Variants in PCDH15 observed in about 807,000 individuals in gnomAD.
PCDH15 encodes protocadherin-15.
In PCDH15, 129 loss-of-function variants were observed where a neutral mutation model predicts 178.5. That is an observed-to-expected ratio of 0.72 (90% confidence interval 0.63 to 0.84). The LOEUF (loss-of-function observed/expected upper bound fraction) is 0.84. Ranked by LOEUF, PCDH15 falls within the 40% of genes least tolerant of loss-of-function variation. PCDH15 has a pLI of 0.00. For synonymous variants in PCDH15, 800 were observed against 732.0 expected (o/e 1.09, Z -1.50); for missense variants, 2,230 against 2,099.9 (o/e 1.06, Z -1.21).
intron 1 of PCDH15, among the ~76,000 whole-genome samples, chr10:55,228,331 T>C (rs1481167422): frequency 6.6e-6 from 1 of 151,826 alleles, no homozygotes. Context: ...AATAACTCTA[T>C]AAAAATGTTA....
intron 2 of PCDH15, among the ~76,000 whole-genome samples, chr10:55,606,350 C>T (rs1406051727): frequency 1.4e-5 from 2 of 140,364 alleles, no homozygotes; most frequent in South Asian, 4.8e-4. Context: ...CAATGCCATC[C>T]CCATCAAGCT....
chr10:54,329,551 C>T, intron 7 of PCDH15, 45 bp downstream of exon 7: 1 of 1,416,660 alleles, frequency 7.1e-7, no homozygotes, highest in Non-Finnish European at 1.0e-6. Flanking sequence ...GAGTTTTTTA[C>T]TTCATAAATT....
intron 2 of PCDH15, among the ~76,000 whole-genome samples, chr10:54,633,951 T>C (rs1211654591): frequency 2.0e-5 from 3 of 152,120 alleles, no homozygotes; most frequent in African/African-American, 7.2e-5. Flanking sequence ...CATGACCCCA[T>C]GCATTAGCTG....
chr10:55,037,142 A>G (rs143492978), intron 2 of PCDH15, among the ~76,000 whole-genome samples: 2,544 of 152,310 alleles, frequency 0.017, 70 homozygotes, highest in African/African-American at 0.058. Flanking sequence ...ATCAAAACTA[A>G]TTATCCCCTC....
intron 2 of PCDH15, among the ~76,000 whole-genome samples, chr10:55,613,093 G>A (rs1362291013): frequency 7.0e-6 from 1 of 143,596 alleles, no homozygotes; most frequent in Non-Finnish European, 1.5e-5. Context: ...GCACAATCTC[G>A]GCTCACTGCA....
At chr10:55,234,690 T>C (rs1282553003) in intron 1 of PCDH15, among the ~76,000 whole-genome samples, 2 of 152,062 alleles carry the variant, frequency 1.3e-5, no homozygotes, top group Non-Finnish European at 2.9e-5. Context: ...CAAGATTTGT[T>C]ATTTCTATTG....
chr10:55,375,203 A>G (rs188506478), intron 2 of PCDH15, among the ~76,000 whole-genome samples: 7 of 152,248 alleles, frequency 4.6e-5, no homozygotes, highest in Admixed American at 1.3e-4. Context: ...TCTCTGCCAA[A>G]AAAGCATTCA....
chr10:54,553,477 T>C (rs961472901), intron 2 of PCDH15, among the ~76,000 whole-genome samples: 2 of 152,228 alleles, frequency 1.3e-5, no homozygotes, highest in African/African-American at 4.8e-5. Flanking sequence ...AATGTTAATG[T>C]TTGATTTAAA....
intron 2 of PCDH15, among the ~76,000 whole-genome samples, chr10:55,589,385 G>C (rs1186575175): frequency 6.6e-6 from 1 of 152,130 alleles, no homozygotes; most frequent in Non-Finnish European, 1.5e-5. Flanking sequence ...CGTTATTTCT[G>C]AGGGCTCTGT....
intron 2 of PCDH15, among the ~76,000 whole-genome samples, chr10:54,916,368 A>T (rs1954901509): frequency 1.3e-5 from 2 of 152,138 alleles, no homozygotes; most frequent in African/African-American, 4.8e-5. Flanking sequence ...TTTTAGTGAA[A>T]CTTAAATGTG....
chr10:55,379,709 T>C (rs927773851), intron 2 of PCDH15, among the ~76,000 whole-genome samples: 1 of 152,026 alleles, frequency 6.6e-6, no homozygotes, highest in African/African-American at 2.4e-5. Flanking sequence ...TACATAGTAT[T>C]TCATTTAAAA....
In PCDH15 at chr10:54,360,540, C is replaced by G. The variant is rs191104904; in HGVS notation, c.474+8580G>C. ...GCATGTAGTTGGGCAGGGTGTTCAT[C>G]TTCATGGGTCCCATTTCATTACCTT... On this transcript the variant is annotated intron_variant, in intron 5 of 37. Transcript: ENST00000644397. Among the ~76,000 whole-genome samples the G allele has an allele frequency of 4.0e-3, 602 of 152,186 alleles. 1 individual carries two copies. Among genetic ancestry groups the G allele is most frequent in the Non-Finnish European group, 6.1e-3 (417 of 68,002 alleles).
intron 3 of PCDH15, among the ~76,000 whole-genome samples, chr10:54,414,234 C>T (rs1474418765): frequency 6.6e-6 from 1 of 152,074 alleles, no homozygotes; most frequent in Non-Finnish European, 1.5e-5. Flanking sequence ...AAATGAAAGA[C>T]ATATCATTAT....
chr10:55,099,041 G>C (rs1842516027), intron 2 of PCDH15, among the ~76,000 whole-genome samples: 1 of 151,880 alleles, frequency 6.6e-6, no homozygotes. Context: ...TGAACCTCAG[G>C]TGTTTACCCC....
chr10:53,983,749 G>A (rs375653852), intron 21 of PCDH15, among the ~76,000 whole-genome samples: 97 of 152,220 alleles, frequency 6.4e-4, no homozygotes, highest in African/African-American at 2.2e-3. Flanking sequence ...TTGGCACACC[G>A]TCAGACTTTC....
rs1005265358 is a variant in PCDH15, at chr10:54,327,632, C to T, written c.705+1964G>A. ...ACATTCTGTGTCAGGTGATATATCT[C>T]TAAGAAAGGCAAGAAAATGACAAGT... is the stretch of plus-strand genomic sequence containing the variant. On this transcript the variant is annotated intron_variant, in intron 7 of 37. Transcript: ENST00000644397. Among the ~76,000 whole-genome samples, 6 of 151,846 alleles carry T rather than the reference C, an allele frequency of 4.0e-5. No individual in the cohort carries two copies. In the Admixed American group the frequency reaches 4.0e-4, roughly 10 times the overall value.
At chr10:55,329,929 G>A (rs986044222) in intron 2 of PCDH15, among the ~76,000 whole-genome samples, 1 of 151,644 alleles carries the variant, frequency 6.6e-6, no homozygotes, top group African/African-American at 2.4e-5. Context: ...CTCCAATGTG[G>A]ACACTTCATA....
chr10:54,802,528 T>G (rs548141868), upstream of PCDH15, among the ~76,000 whole-genome samples: 1 of 152,210 alleles, frequency 6.6e-6, no homozygotes, highest in African/African-American at 2.4e-5. Context: ...TCAGTGGGAG[T>G]CAATGAGGAC....
intron 2 of PCDH15, among the ~76,000 whole-genome samples, chr10:54,530,194 A>G (rs1436882932): frequency 6.6e-6 from 1 of 152,060 alleles, no homozygotes; most frequent in Non-Finnish European, 1.5e-5. Context: ...CGCCTTTCCC[A>G]TTCTCAAAGT....
Sources: gnomAD v4.1 joint callset for allele counts (sites outside exome capture counted in the v4.1 genomes callset) on GRCh38, gnomAD v4.1.1 for gene constraint, MANE v1.5 for transcripts, NCBI Gene and HGNC (gene_info 2026-07-23, HGNC 2026-07-21) for gene names.